The following EYS variants were observed in gnomAD, a reference collection of about 807,000 sequenced individuals.
EYS encodes protein eyes shut homolog.
A neutral mutation model predicts 282.1 loss-of-function variants in EYS; 250 were observed. The observed-to-expected ratio is 0.89, with a 90% CI of 0.80 to 0.98. The LOEUF is 0.98. Among genes scored for constraint, EYS ranks in the 50% least tolerant of loss-of-function variants. The pLI, the probability that EYS is intolerant of heterozygous loss-of-function variation, is 0.00. For synonymous variants in EYS, 1,355 were observed against 1,282.9 expected, an observed-to-expected ratio of 1.06 and a Z score of -1.20; for missense variants, 4,016 against 3,709.0, an observed-to-expected ratio of 1.08 and a Z score of -2.15.
chr6:65,650,682 G>A (rs955852268), intron 1 of EYS, among the ~76,000 whole-genome samples: 7 of 151,994 alleles, frequency 4.6e-5, no homozygotes, highest in East Asian at 3.9e-4. Context: ...CAAGCGTTTC[G>A]GGAGGATGTT....
intron 22 of EYS, among the ~76,000 whole-genome samples, chr6:64,667,859 T>G (rs964840948): frequency 1.3e-5 from 2 of 152,182 alleles, no homozygotes; most frequent in African/African-American, 4.8e-5. Flanking sequence ...AAGGACTCCA[T>G]GTATTCAGCT....
chr6:65,597,955 C>G (rs1018103942), intron 2 of EYS, among the ~76,000 whole-genome samples: 1 of 151,916 alleles, frequency 6.6e-6, no homozygotes. Flanking sequence ...AAAAAGTTAA[C>G]TGGACATGGT....
At chr6:65,581,433 C>A (rs975767509) in intron 2 of EYS, among the ~76,000 whole-genome samples, 18 of 152,008 alleles carry the variant, frequency 1.2e-4, no homozygotes, top group Admixed American at 1.2e-3. Flanking sequence ...TATCTTTCAT[C>A]TATAATGGCC....
intron 29 of EYS, among the ~76,000 whole-genome samples, chr6:64,329,052 A>AATT (rs1561932812): frequency 6.6e-6 from 1 of 152,122 alleles, no homozygotes; most frequent in African/African-American, 2.4e-5. Context: ...GGCAGGAATC[A>AATT]ATTATTATTA....
At chr6:65,570,387 G>A (rs768025735) in intron 2 of EYS, among the ~76,000 whole-genome samples, 7 of 152,126 alleles carry the variant, frequency 4.6e-5, no homozygotes, top group Admixed American at 6.6e-5. Flanking sequence ...TTACTAGGAC[G>A]TTTTTTGGGA....
intron 22 of EYS, among the ~76,000 whole-genome samples, chr6:64,781,765 C>G (rs796688781): frequency 2.0e-5 from 3 of 152,058 alleles, no homozygotes; most frequent in African/African-American, 7.2e-5. Context: ...AGCTACAAGC[C>G]CCACTACCCC....
intron 22 of EYS, among the ~76,000 whole-genome samples, chr6:64,797,320 A>G (rs1033684640): frequency 1.3e-5 from 2 of 151,908 alleles, no homozygotes; most frequent in African/African-American, 4.8e-5. Context: ...GAAAAAAAAA[A>G]TTGACCTTCA....
chr6:65,445,223 A>C (rs529429518), intron 5 of EYS, among the ~76,000 whole-genome samples: 155 of 152,006 alleles, frequency 1.0e-3, no homozygotes, highest in Non-Finnish European at 1.6e-3. Context: ...CCATGATTGA[A>C]TATTTCTTAT....
At chr6:65,572,341 T>C (rs774528971) in intron 2 of EYS, among the ~76,000 whole-genome samples, 1 of 152,132 alleles carries the variant, frequency 6.6e-6, no homozygotes, top group Non-Finnish European at 1.5e-5. Context: ...CATGTCTTGG[T>C]TCTAGATAGA....
intron 15 of EYS, among the ~76,000 whole-genome samples, chr6:64,939,823 T>C (rs1181155039): frequency 6.6e-6 from 1 of 151,944 alleles, no homozygotes; most frequent in Non-Finnish European, 1.5e-5. Context: ...GTTCTTCTGA[T>C]GACCATTTCA....
In EYS at chr6:65,663,844, C is replaced by A. The variant is rs575884080; in HGVS notation, c.-447-23952G>T. Among the ~76,000 whole-genome samples, 12 of 147,524 alleles carry A rather than the reference C, an allele frequency of 8.1e-5. No individual in the cohort carries two copies. In the South Asian group the frequency reaches 2.6e-3, roughly 32 times the overall value. On this transcript the variant is annotated intron_variant, in intron 1 of 42. Coordinates refer to ENST00000503581, the MANE Select transcript of EYS (RefSeq NM_001142800.2). ...TACGGGCGCCCGCCACCACGCCCAG[C>A]TAATTTTTTGTTTTTTCTTTTCTTT...
chr6:63,721,381 A>G lies in EYS; in HGVS notation c.8650T>C (p.Cys2884Arg), dbSNP rs1768381985. The change falls in exon 43 of 43, where the codon TGC becomes CGC. Residue 2884 changes from cysteine (C) to arginine (R), a missense_variant. Coordinates refer to ENST00000503581, the MANE Select transcript of EYS (RefSeq NM_001142800.2). ...CDGTACGYNT[C>R]RNGGECTVNG... ...ACTGTACATTCACCTCCATTTCTGCATGTGTTGTACCCACAGGCTGTCCCA... is the reference window on the plus strand; with the variant it reads ...ACTGTACATTCACCTCCATTTCTGCGTGTGTTGTACCCACAGGCTGTCCCA... 6 of 1,550,586 alleles carry G rather than the reference A, an allele frequency of 3.9e-6. No individual in the cohort carries two copies. The highest frequency in any genetic ancestry group is 5.2e-6 in the Non-Finnish European group (6 of 1,146,586).
At position 64,095,512 on chromosome 6, in the gene EYS, CCTT is replaced by C. The variant is rs1289052785; in HGVS notation, c.6425-13513_6425-13511del. Among the ~76,000 whole-genome samples the C allele has an allele frequency of 1.8e-4, 27 of 152,132 alleles. No homozygotes were observed. The South Asian group carries it at 5.0e-3, about 28-fold the overall frequency. ...TGATCCCTTTACCATTATGTAATGG[CCTT>C]CTTTGTCTCTTTTGATCTTTGTTGG... On this transcript the variant is annotated intron_variant, in intron 31 of 42. Coordinates refer to ENST00000503581, the MANE Select transcript of EYS (RefSeq NM_001142800.2).
At chr6:64,266,360 A>G (rs1022491587) in intron 30 of EYS, among the ~76,000 whole-genome samples, 1 of 152,038 alleles carries the variant, frequency 6.6e-6, no homozygotes, top group Non-Finnish European at 1.5e-5. Context: ...GGAAAGCAAA[A>G]CAATAGAGTG....
chr6:63,926,334 T>C (rs1447503159), intron 35 of EYS, among the ~76,000 whole-genome samples: 1 of 152,224 alleles, frequency 6.6e-6, no homozygotes, highest in East Asian at 1.9e-4. Context: ...TTCTTAGCTA[T>C]AATGGTCTAG....
At chr6:64,174,641 A>G (rs552023102) in intron 31 of EYS, among the ~76,000 whole-genome samples, 1 of 151,886 alleles carries the variant, frequency 6.6e-6, no homozygotes, top group African/African-American at 2.4e-5. Flanking sequence ...AATGTATACA[A>G]CATAAATGTA....
At chr6:64,450,488 C>A (rs994877700) in intron 26 of EYS, among the ~76,000 whole-genome samples, 17 of 152,230 alleles carry the variant, frequency 1.1e-4, no homozygotes, top group African/African-American at 4.1e-4. Context: ...GAATTGAACT[C>A]AGCTCTGCAC....
chr6:64,272,601 C>A (rs1767980202), intron 30 of EYS, among the ~76,000 whole-genome samples: 1 of 152,014 alleles, frequency 6.6e-6, no homozygotes, highest in African/African-American at 2.4e-5. Context: ...AATATTGGCC[C>A]CCACTCTCTT....
At chr6:64,377,942 C>T (rs1772615546) in intron 29 of EYS, 1 of 152,054 alleles carries the variant, frequency 6.6e-6, no homozygotes, top group Non-Finnish European at 1.5e-5. Context: ...GGTAAGTACG[C>T]ATCTACTGGG....
Sources: allele counts gnomAD v4.1 joint callset (sites outside exome capture counted in the v4.1 genomes callset), GRCh38; gene constraint gnomAD v4.1.1; transcripts MANE v1.5; gene names NCBI Gene and HGNC (gene_info 2026-07-23, HGNC 2026-07-21).